CNTNAP2: variants seen among roughly 807,000 people sequenced by gnomAD.
CNTNAP2 encodes the protein contactin associated protein 2, also known as contactin-associated protein-like 2.
CNTNAP2 carries 98 observed loss-of-function variants against 155.2 expected under a neutral mutation model. The ratio of observed to expected loss-of-function variants is 0.63; its 90% CI spans 0.54 to 0.75. The LOEUF is 0.75. Among genes scored for constraint, CNTNAP2 ranks in the 30% least tolerant of loss-of-function variants. CNTNAP2 has a pLI of 0.00. For missense variants in CNTNAP2, 1,727 were observed against 1,688.1 expected, an observed-to-expected ratio of 1.02 and a Z score of -0.40; for synonymous variants, 651 against 631.2, an observed-to-expected ratio of 1.03 and a Z score of -0.47.
intron 16 of CNTNAP2, among the ~76,000 whole-genome samples, chr7:148,145,373 C>T (rs1338516348): frequency 6.6e-6 from 1 of 152,192 alleles, no homozygotes; most frequent in Non-Finnish European, 1.5e-5. Flanking sequence ...CTAGCGACTT[C>T]TGGCACTCAG....
At chr7:146,974,224 T>G (rs12703870) in intron 3 of CNTNAP2, among the ~76,000 whole-genome samples, 38,123 of 151,816 alleles carry the variant, frequency 0.25, 5,508 homozygotes, top group Non-Finnish European at 0.32. Context: ...GGTGGGTGGA[T>G]TACCTGAGGT....
intron 1 of CNTNAP2, among the ~76,000 whole-genome samples, chr7:146,423,226 C>T (rs1584918273): frequency 6.6e-6 from 1 of 152,186 alleles, no homozygotes; most frequent in Non-Finnish European, 1.5e-5. Flanking sequence ...TGTAAAATAA[C>T]ATATTGAACT....
intron 8 of CNTNAP2, among the ~76,000 whole-genome samples, chr7:147,286,396 T>A (rs778084071): frequency 2.6e-4 from 40 of 152,082 alleles, no homozygotes; most frequent in Non-Finnish European, 2.5e-4. Context: ...ACAGTGACTG[T>A]AAACAAATAC....
rs535434370 is a variant in CNTNAP2, at chr7:147,049,922, C to T, written c.550+5868C>T. Among the ~76,000 whole-genome samples the T allele has an allele frequency of 1.1e-4, 16 of 152,276 alleles. No individual in the cohort carries two copies. In the South Asian group the frequency reaches 2.1e-3, roughly 20 times the overall value. On this transcript the variant is annotated intron_variant, in intron 4 of 23. Transcript: ENST00000361727. ...GGTACTTCTCAAGGCTGAAATAAGA[C>T]GCTGACTCTATTCCAGGTGGAGAAT...
intron 3 of CNTNAP2, among the ~76,000 whole-genome samples, chr7:146,898,515 A>T (rs1242657104): frequency 6.6e-6 from 1 of 152,036 alleles, no homozygotes; most frequent in Non-Finnish European, 1.5e-5. Flanking sequence ...TAATAAAAAA[A>T]AAAACTCTTC....
At position 146,685,167 on chromosome 7, in the gene CNTNAP2, C is replaced by G. The variant is rs183021420; in HGVS notation, c.98-89104C>G. Among the ~76,000 whole-genome samples the G allele has an allele frequency of 5.8e-3, 884 of 152,120 alleles. 5 individuals are homozygous for G. The highest frequency in any genetic ancestry group is 0.024 in the Middle Eastern group (7 of 294). On this transcript the variant is annotated intron_variant, in intron 1 of 23. Transcript: ENST00000361727. ...ATAGTGGAGGAGTGAATTTTGAAAC[C>G]CAAACGAGTTGACATAAAAGAATGA...
rs190759908 is a variant in CNTNAP2 at position 146,974,656 on chromosome 7, G to C, written c.403-69251G>C. On this transcript the variant is annotated intron_variant, in intron 3 of 23. Coordinates refer to ENST00000361727, the MANE Select transcript of CNTNAP2 (RefSeq NM_014141.6). ...TCTTCACATTTAGTAAAAGCATATT[G>C]ATGTTGGTACATTTAAATTGCAAAA... is the stretch of plus-strand genomic sequence containing the variant. Among the ~76,000 whole-genome samples, 6 of 152,218 alleles carry C rather than the reference G, an allele frequency of 3.9e-5. No individual in the cohort carries two copies. The East Asian group carries it at 1.2e-3, about 29-fold the overall frequency.
At chr7:148,098,596 CAGG>C (rs1804022784) in intron 15 of CNTNAP2, among the ~76,000 whole-genome samples, 1 of 151,964 alleles carries the variant, frequency 6.6e-6, no homozygotes, top group South Asian at 2.1e-4. Context: ...TCCAGCAACT[CAGG>C]AGGCTGAGCA....
At chr7:147,120,781 C>A (rs562012040) in intron 5 of CNTNAP2, among the ~76,000 whole-genome samples, 198 bp from the exon 6 acceptor site, 3 of 151,936 alleles carry the variant, frequency 2.0e-5, no homozygotes, top group South Asian at 2.1e-4. Context: ...ATCCCTCCCC[C>A]CTACCCCCAA....
intron 13 of CNTNAP2, among the ~76,000 whole-genome samples, chr7:147,872,701 GA>G (rs533977566): frequency 6.6e-6 from 1 of 151,842 alleles, no homozygotes; most frequent in Non-Finnish European, 1.5e-5. Flanking sequence ...TTAAGAATTA[GA>G]AAAAAAACCT....
intron 11 of CNTNAP2, among the ~76,000 whole-genome samples, chr7:147,529,589 C>A (rs1799393716): frequency 6.6e-6 from 1 of 151,648 alleles, no homozygotes; most frequent in Non-Finnish European, 1.5e-5. Context: ...TTTATGAAGT[C>A]AAACTATTAT....
intron 1 of CNTNAP2, among the ~76,000 whole-genome samples, chr7:146,720,258 A>C (rs2129176936): frequency 6.6e-6 from 1 of 152,242 alleles, no homozygotes; most frequent in African/African-American, 2.4e-5. Context: ...AAATGCTGTC[A>C]GCACAGTTTC....
At chr7:147,162,517 T>G (rs1474976364) in intron 8 of CNTNAP2, among the ~76,000 whole-genome samples, 2 of 152,194 alleles carry the variant, frequency 1.3e-5, no homozygotes, top group Non-Finnish European at 2.9e-5. Flanking sequence ...TGAAAATGTC[T>G]TCTGTGGATC....
At chr7:146,404,590 A>G (rs1489110297) in intron 1 of CNTNAP2, among the ~76,000 whole-genome samples, 1 of 152,178 alleles carries the variant, frequency 6.6e-6, no homozygotes, top group Non-Finnish European at 1.5e-5. Flanking sequence ...ACTTGCCACA[A>G]TAAGTTATCC....
intron 3 of CNTNAP2, among the ~76,000 whole-genome samples, chr7:147,012,284 A>G (rs757961435): frequency 1.3e-5 from 2 of 152,128 alleles, no homozygotes; most frequent in East Asian, 1.9e-4. Context: ...AAGGTTTGTC[A>G]TGGTTATATA....
chr7:146,187,022 T>C (rs1798633880), intron 1 of CNTNAP2, among the ~76,000 whole-genome samples: 1 of 152,166 alleles, frequency 6.6e-6, no homozygotes, highest in Admixed American at 6.6e-5. Flanking sequence ...AAAACACTCA[T>C]TGCAGTGTAA....
chr7:148,166,610 C>T (rs1042360965), intron 17 of CNTNAP2, among the ~76,000 whole-genome samples: 3 of 151,986 alleles, frequency 2.0e-5, no homozygotes, highest in East Asian at 1.9e-4. Context: ...TGGGTAGTTC[C>T]AGCATTTTCA....
chr7:147,644,494 C>T (rs898518336), intron 13 of CNTNAP2, among the ~76,000 whole-genome samples: 3 of 152,088 alleles, frequency 2.0e-5, no homozygotes, highest in African/African-American at 7.2e-5. Context: ...TGGTGGCATG[C>T]ACCTGTAATC....
At chr7:147,000,044 C>T (rs933108214) in intron 3 of CNTNAP2, among the ~76,000 whole-genome samples, 3 of 151,792 alleles carry the variant, frequency 2.0e-5, no homozygotes, top group African/African-American at 7.3e-5. Context: ...ATCCTGTAGG[C>T]TTTCTGCATT....
Sources: allele counts gnomAD v4.1 joint callset (sites outside exome capture counted in the v4.1 genomes callset), GRCh38; gene constraint gnomAD v4.1.1; transcripts MANE v1.5; gene names NCBI Gene and HGNC (gene_info 2026-07-23, HGNC 2026-07-21).